Variants in TACR1 observed in about 807,000 individuals in gnomAD.
The protein encoded by TACR1 is substance-P receptor.
In TACR1, 25 loss-of-function variants were observed where a neutral mutation model predicts 35.8. The observed-to-expected ratio is 0.70, with a 90% confidence interval of 0.51 to 0.98. TACR1 has a LOEUF of 0.98. TACR1 is among the 50% of genes least tolerant of loss of function. The pLI is 0.00. For synonymous variants in TACR1, 195 were observed against 206.7 expected (o/e 0.94, Z 0.48); for missense variants, 478 against 522.9 (o/e 0.91, Z 0.84).
At chr2:75,125,889 G>A (rs182884112) in intron 1 of TACR1, among the ~76,000 whole-genome samples, 2 of 152,258 alleles carry the variant, frequency 1.3e-5, no homozygotes, top group East Asian at 3.9e-4. Flanking sequence ...TTGACTATAC[G>A]TTGGGAACTG....
At chr2:75,120,886 G>T in intron 1 of TACR1, 118 bp from the exon 2 acceptor site, 1 of 835,466 alleles carries the variant, frequency 1.2e-6, no homozygotes, top group Non-Finnish European at 1.8e-6. Flanking sequence ...CTGATGATTT[G>T]TACAATTATT....
chr2:75,065,074 T>TC (rs764529387), intron 2 of TACR1, among the ~76,000 whole-genome samples: 1 of 152,178 alleles, frequency 6.6e-6, no homozygotes, highest in African/African-American at 2.4e-5. Context: ...GAGGATGTTC[T>TC]CCAAGTCCTC....
intron 2 of TACR1, among the ~76,000 whole-genome samples, chr2:75,057,210 C>G (rs949409238): frequency 1.3e-5 from 2 of 150,664 alleles, no homozygotes; most frequent in African/African-American, 5.0e-5. Flanking sequence ...GATGACATTA[C>G]CTTGTGAAAT....
chr2:75,170,633 A>C (rs1013204044), intron 1 of TACR1, among the ~76,000 whole-genome samples: 4 of 152,218 alleles, frequency 2.6e-5, no homozygotes, highest in Non-Finnish European at 2.9e-5. Flanking sequence ...CTTTGACCCC[A>C]AAATGCTGAT....
chr2:75,134,496 G>A (rs1674241422), intron 1 of TACR1, among the ~76,000 whole-genome samples: 3 of 152,186 alleles, frequency 2.0e-5, no homozygotes, highest in Admixed American at 2.0e-4. Flanking sequence ...TGCATTAGAA[G>A]CATGAGCAGA....
At chr2:75,149,711 C>G (rs1674631637) in intron 1 of TACR1, among the ~76,000 whole-genome samples, 1 of 152,142 alleles carries the variant, frequency 6.6e-6, no homozygotes, top group African/African-American at 2.4e-5. Flanking sequence ...TTCCTCTTTT[C>G]CTGCTTGAAT....
In TACR1 at chr2:75,058,850, C is replaced by T. The variant is rs1573459354; in HGVS notation, c.585-5095G>A. Among the ~76,000 whole-genome samples, 4 of 152,308 alleles carry T rather than the reference C, an allele frequency of 2.6e-5. No homozygotes were observed. In the South Asian group the frequency reaches 8.3e-4, roughly 32 times the overall value. On this transcript the variant is annotated intron_variant, in intron 2 of 4. Coordinates refer to ENST00000305249, the MANE Select transcript of TACR1 (RefSeq NM_001058.4). ...TTTCCTTATATCTCACTAGTGGGAT[C>T]ATTGTTGAAAGCAAGAACAGTTTCA...
chr2:75,148,838 G>A (rs1454916063), intron 1 of TACR1, among the ~76,000 whole-genome samples: 6 of 151,998 alleles, frequency 3.9e-5, no homozygotes, highest in African/African-American at 1.5e-4. Flanking sequence ...TTTCTTCTAG[G>A]GTTTTTATGG....
At chr2:75,061,842 G>A (rs1352760163) in intron 2 of TACR1, among the ~76,000 whole-genome samples, 1 of 152,194 alleles carries the variant, frequency 6.6e-6, no homozygotes, top group East Asian at 1.9e-4. Flanking sequence ...ACCTACCCAT[G>A]AACAAGACAG....
intron 2 of TACR1, among the ~76,000 whole-genome samples, chr2:75,111,858 G>C (rs977381204): frequency 6.6e-6 from 1 of 151,848 alleles, no homozygotes; most frequent in African/African-American, 2.4e-5. Context: ...AACAGGGCGA[G>C]TATGAGAGAG....
chr2:75,176,181 G>A (rs1425894327), intron 1 of TACR1, among the ~76,000 whole-genome samples: 17 of 151,992 alleles, frequency 1.1e-4, no homozygotes, highest in South Asian at 2.1e-4. Context: ...GAAAAGCAGA[G>A]TATTTTATTA....
intron 2 of TACR1, among the ~76,000 whole-genome samples, chr2:75,116,162 T>C (rs898644304): frequency 7.9e-5 from 12 of 152,116 alleles, no homozygotes; most frequent in Non-Finnish European, 1.8e-4. Flanking sequence ...TGGAGTGCAG[T>C]GGAGTGACCT....
At chr2:75,136,322 C>T (rs946844131) in intron 1 of TACR1, among the ~76,000 whole-genome samples, 2 of 152,114 alleles carry the variant, frequency 1.3e-5, no homozygotes, top group Non-Finnish European at 2.9e-5. Context: ...CAGCAGAGGA[C>T]GTGCTAAAGA....
intron 2 of TACR1, among the ~76,000 whole-genome samples, chr2:75,081,409 TAGAC>T (rs1209270501): frequency 1.3e-5 from 2 of 152,162 alleles, no homozygotes; most frequent in African/African-American, 4.8e-5. Flanking sequence ...ATTATGCTGT[TAGAC>T]AGGGGATGCT....
At chr2:75,094,855 A>AT (rs1351976784) in intron 2 of TACR1, among the ~76,000 whole-genome samples, 88 of 87,912 alleles carry the variant, frequency 1.0e-3, no homozygotes, top group African/African-American at 3.0e-3. Flanking sequence ...ATATATATAT[A>AT]TATATTTTTT....
At chr2:75,135,838 G>A (rs1212723832) in intron 1 of TACR1, among the ~76,000 whole-genome samples, 1 of 152,086 alleles carries the variant, frequency 6.6e-6, no homozygotes, top group Non-Finnish European at 1.5e-5. Context: ...TTCCTTGCAG[G>A]GGGACCTTAA....
At chr2:75,073,047 A>C (rs774934463) in intron 2 of TACR1, among the ~76,000 whole-genome samples, 2 of 152,236 alleles carry the variant, frequency 1.3e-5, no homozygotes, top group African/African-American at 2.4e-5. Flanking sequence ...TAATCTCAGC[A>C]AAAAAGTCAG....
intron 2 of TACR1, among the ~76,000 whole-genome samples, chr2:75,084,029 T>A (rs1227183286): frequency 2.0e-5 from 3 of 152,192 alleles, no homozygotes; most frequent in Non-Finnish European, 4.4e-5. Context: ...ATGCTTCCAG[T>A]TTTTGCCCAT....
chr2:75,123,858 C>A (rs1019550079), intron 1 of TACR1, among the ~76,000 whole-genome samples: 32 of 152,200 alleles, frequency 2.1e-4, no homozygotes, highest in African/African-American at 7.5e-4. Flanking sequence ...CTCCCCACTT[C>A]TAGCTAGGAT....
Sources: allele counts gnomAD v4.1 joint callset (sites outside exome capture counted in the v4.1 genomes callset), GRCh38; gene constraint gnomAD v4.1.1; transcripts MANE v1.5; gene names NCBI Gene and HGNC (gene_info 2026-07-23, HGNC 2026-07-21).